The following SMARCC2 variants were observed in gnomAD, a reference collection of about 807,000 sequenced individuals.
SMARCC2 encodes the protein SWI/SNF related BAF chromatin remodeling complex subunit C2.
A neutral mutation model predicts 151.3 loss-of-function variants in SMARCC2; 15 were observed. The observed-to-expected ratio is 0.10, with a 90% CI of 0.07 to 0.15. The LOEUF (loss-of-function observed/expected upper bound fraction) is 0.15. Ranked by LOEUF, SMARCC2 falls within the 10% of genes least tolerant of loss-of-function variation. SMARCC2 has a pLI of 1.00. For synonymous variants in SMARCC2, 590 were observed against 609.5 expected, an observed-to-expected ratio of 0.97 and a Z score of 0.47; for missense variants, 1,031 against 1,599.7, an observed-to-expected ratio of 0.64 and a Z score of 6.06.
intron 13 of SMARCC2, 119 bp downstream of exon 13, chr12:56,178,691 A>T (rs1343270098): frequency 7.3e-7 from 1 of 1,372,842 alleles, no homozygotes; most frequent in Admixed American, 1.8e-5. Context: ...GTTTTGAACA[A>T]AGCTGGAATT....
chr12:56,175,744 G>A lies in SMARCC2; in HGVS notation c.1383-980C>T, dbSNP rs1874822803. 2.0e-5 allele frequency among the ~76,000 whole-genome samples: 3 copies of A among 152,086 alleles called. No homozygotes were observed. The South Asian group carries it at 6.2e-4, about 32-fold the overall frequency. On this transcript the variant is annotated intron_variant, in intron 15 of 28. Coordinates refer to ENST00000550164, the MANE Select transcript of SMARCC2 (RefSeq NM_001330288.2). ...TATACCCTATCTGTCAACTGAAGAT[G>A]ATATCTACCTCTAAGGTTGACGTAA... is the stretch of plus-strand genomic sequence containing the variant.
intron 7 of SMARCC2, 38 bp downstream of exon 7, chr12:56,183,823 C>A (rs1453748852): frequency 2.0e-6 from 3 of 1,487,242 alleles, no homozygotes; most frequent in Admixed American, 1.7e-5. Context: ...CTGGGTCTGG[C>A]TCTTATACTT....
chr12:56,172,759 G>A, intron 18 of SMARCC2, 55 bp from the exon 19 acceptor site: 1 of 1,608,222 alleles, frequency 6.2e-7, no homozygotes, highest in South Asian at 1.1e-5. Context: ...GGAGCCAGGG[G>A]CTGACAGAGA....
At chr12:56,187,962 C>T (rs959768684) in intron 1 of SMARCC2, among the ~76,000 whole-genome samples, 6 of 152,196 alleles carry the variant, frequency 3.9e-5, no homozygotes, top group Admixed American at 1.3e-4. Flanking sequence ...TTCTATGTTT[C>T]CACACTCTGC....
In SMARCC2 at chr12:56,172,403, A is replaced by G. The variant is rs566783194; in HGVS notation, c.1926+25T>C. 6 of 1,535,918 alleles carry G rather than the reference A, an allele frequency of 3.9e-6. No homozygotes were observed. In the African/African-American group the frequency reaches 7.0e-5, roughly 18 times the overall value. Reference sequence around the variant, plus strand: ...AGCCCACTTCTGTTTTCAGAGAAAAACTCTCTTTTCTTTGCCCCAATTACC... The same window carrying G: ...AGCCCACTTCTGTTTTCAGAGAAAAGCTCTCTTTTCTTTGCCCCAATTACC... On this transcript the variant is annotated intron_variant, in intron 20 of 28. Coordinates refer to ENST00000550164, the MANE Select transcript of SMARCC2 (RefSeq NM_001330288.2).
At chr12:56,186,941 G>A (rs1877373424) in intron 2 of SMARCC2, 2 of 332,874 alleles carry the variant, frequency 6.0e-6, no homozygotes, top group African/African-American at 4.3e-5. Flanking sequence ...CATGCCATGA[G>A]AGACCTGTGG....
At chr12:56,167,971 C>T (rs1269032935) in intron 26 of SMARCC2, 89 bp downstream of exon 26, 39 of 1,204,106 alleles carry the variant, frequency 3.2e-5, no homozygotes, top group Admixed American at 7.2e-5. Context: ...CACACACACA[C>T]ACACACACAC....
intron 11 of SMARCC2, 24 bp downstream of exon 11, chr12:56,180,953 C>G: frequency 6.3e-7 from 1 of 1,596,828 alleles, no homozygotes; most frequent in Middle Eastern, 1.7e-4. Flanking sequence ...GGGGTGGATC[C>G]CAGGAGCTCA....
At chr12:56,174,588 G>C in intron 16 of SMARCC2, 63 bp downstream of exon 16, 1 of 1,078,584 alleles carries the variant, frequency 9.3e-7, no homozygotes, top group Non-Finnish European at 1.4e-6. Context: ...CTCTACTGTT[G>C]CCAAAACACA....
rs1462579427 is a variant in SMARCC2, at chr12:56,168,206, G to A, written c.2716-12C>T. 1.2e-6 allele frequency: 2 copies of A among 1,613,910 alleles called. No homozygotes were observed. Among genetic ancestry groups the A allele is most frequent in the Non-Finnish European group, 8.5e-7 (1 of 1,179,970 alleles). ...ACAGCAGCCAAGTGCTAGGGAAGGA[G>A]GGGCGAGACAGCACATCAGTGGGAG... is the stretch of plus-strand genomic sequence containing the variant. On this transcript the variant is annotated splice_polypyrimidine_tract_variant and intron_variant, in intron 25 of 28. Coordinates refer to ENST00000550164, the MANE Select transcript of SMARCC2 (RefSeq NM_001330288.2).
rs756063537 is a variant in SMARCC2, at chr12:56,164,566, A to G, written c.3398T>C (p.Leu1133Pro). The change falls in exon 28 of 29, where the codon CTA becomes CCA. Residue 1133 changes from leucine to proline, a missense_variant. Transcript: ENST00000550164. ...GAGGTTAATACTGATGGAGTCAGCT[A>G]GACTACCAAATGGGATGATGGATGG... ...PAPSIIPFGSLADSISINLPA... is the reference protein window; with the variant it reads ...PAPSIIPFGSPADSISINLPA... The G allele has an allele frequency of 6.2e-7, 1 of 1,614,104 alleles. No individual in the cohort carries two copies. Among genetic ancestry groups the G allele is most frequent in the South Asian group, 1.1e-5 (1 of 91,084 alleles).
intron 1 of SMARCC2, 117 bp downstream of exon 1, chr12:56,189,234 G>T: frequency 2.2e-6 from 1 of 449,658 alleles, no homozygotes; most frequent in Non-Finnish European, 3.6e-6. Flanking sequence ...GGGCTGCTTG[G>T]GAGGCCGCGG....
In SMARCC2 at chr12:56,164,649, C is replaced by G; in HGVS notation, c.3315G>C (p.Ala1105=). The change falls in exon 28 of 29, where the codon GCG becomes GCC. Residue 1105 remains alanine (A), a synonymous_variant. Coordinates refer to ENST00000550164, the MANE Select transcript of SMARCC2 (RefSeq NM_001330288.2). ...AAGGCAAACCCAAAGGAGCATTACC[C>G]GCCACGCCTGGGTGCCCGCTGCCTG... The part of the protein sequence containing the change: ...AVPGSGHPGV[A]GNAPLGLPFG... 6.2e-7 allele frequency: 1 copy of G among 1,612,452 alleles called. No homozygotes were observed. The highest frequency in any genetic ancestry group is 8.5e-7 in the Non-Finnish European group (1 of 1,179,286).
intron 7 of SMARCC2, 26 bp from the exon 8 acceptor site, chr12:56,182,105 T>G (rs1876332153): frequency 6.5e-7 from 1 of 1,531,264 alleles, no homozygotes; most frequent in African/African-American, 1.4e-5. Flanking sequence ...GAGCACACAG[T>G]AGAATCAATG....
intron 16 of SMARCC2, 80 bp from the exon 17 acceptor site, chr12:56,173,929 G>A (rs1316302568): frequency 2.9e-6 from 4 of 1,382,614 alleles, no homozygotes; most frequent in Admixed American, 3.9e-5. Context: ...GGGGGTAGAA[G>A]GGGCATAAAC....
In SMARCC2 at chr12:56,178,111, A is replaced by G. The variant is rs1367022808; in HGVS notation, c.1311-18T>C. On this transcript the variant is annotated intron_variant, in intron 14 of 28. Coordinates refer to ENST00000550164, the MANE Select transcript of SMARCC2 (RefSeq NM_001330288.2). ...CATGAACACTGCAAGAAAAGCCAGAATGGTTTCAGAAGAAGGCATTGGTGA... is the reference window on the plus strand; with the variant it reads ...CATGAACACTGCAAGAAAAGCCAGAGTGGTTTCAGAAGAAGGCATTGGTGA... The G allele has an allele frequency of 6.2e-7, 1 of 1,605,392 alleles. No individual in the cohort carries two copies. The highest frequency in any genetic ancestry group is 1.7e-5 in the Admixed American group (1 of 58,980).
Position 56,181,514 on chromosome 12 carries a change from G to C in SMARCC2, c.924C>G (p.Thr308=). The change falls in exon 10 of 29, where the codon ACC becomes ACG. Residue 308 remains threonine, a synonymous_variant. Transcript: ENST00000550164. ...TAGCATTTTTCTTCTTTGCTTCTGG[G>C]GTTGGTGAAGGAGAGGGGGAGCGCT... is the stretch of plus-strand genomic sequence containing the variant. The part of the protein sequence containing the change: ...KRKRSPSPSP[T]PEAKKKNAKK... 6.4e-7 allele frequency: 1 copy of C among 1,558,670 alleles called. No homozygotes were observed. Among genetic ancestry groups the C allele is most frequent in the Admixed American group, 2.0e-5 (1 of 49,068 alleles).
intron 11 of SMARCC2, among the ~76,000 whole-genome samples, chr12:56,179,794 C>T (rs540230277): frequency 1.3e-3 from 203 of 152,258 alleles, no homozygotes; most frequent in Admixed American, 3.5e-3. Flanking sequence ...TCAAGTGATT[C>T]TCCTGCCTCA....
intron 5 of SMARCC2, 121 bp downstream of exon 5, chr12:56,184,723 C>T: frequency 1.5e-6 from 1 of 649,654 alleles, no homozygotes; most frequent in Non-Finnish European, 2.7e-6. Flanking sequence ...AGTCTTTTTC[C>T]AAGTAGACAG....
Sources: allele counts gnomAD v4.1 joint callset (sites outside exome capture counted in the v4.1 genomes callset), GRCh38; gene constraint gnomAD v4.1.1; transcripts MANE v1.5; gene names NCBI Gene and HGNC (gene_info 2026-07-23, HGNC 2026-07-21).